The following AGBL1 variants were observed in gnomAD, a reference collection of about 807,000 sequenced individuals.
The protein encoded by AGBL1 is cytosolic carboxypeptidase 4.
A neutral mutation model predicts 118.9 loss-of-function variants in AGBL1; 130 were observed. That is an observed-to-expected ratio of 1.09 (90% CI 0.95 to 1.26). The LOEUF is 1.26. AGBL1 is among the 50% of genes most tolerant of loss of function. AGBL1 has a pLI of 0.00. For missense variants in AGBL1, 1,584 were observed against 1,298.1 expected, an observed-to-expected ratio of 1.22 and a Z score of -3.38; for synonymous variants, 555 against 478.9, an observed-to-expected ratio of 1.16 and a Z score of -2.08.
chr15:86,919,810 G>A (rs751972818), downstream of AGBL1, among the ~76,000 whole-genome samples: 3 of 152,128 alleles, frequency 2.0e-5, no homozygotes, highest in Admixed American at 2.0e-4. Context: ...TGAGAAAGAT[G>A]GTGTGGCAGG....
intron 18 of AGBL1, among the ~76,000 whole-genome samples, chr15:86,430,506 ATG>A (rs910858599): frequency 6.0e-5 from 9 of 150,914 alleles, no homozygotes; most frequent in East Asian, 5.8e-4. Flanking sequence ...AAAAAAAAAA[ATG>A]TGTGTGTGTG....
At chr15:86,205,187 T>G (rs963326088) in intron 5 of AGBL1, among the ~76,000 whole-genome samples, 6 of 152,196 alleles carry the variant, frequency 3.9e-5, no homozygotes, top group Non-Finnish European at 8.8e-5. Context: ...AAAATGTCAT[T>G]TAGTTGGAAT....
At chr15:86,406,506 G>C (rs934712763) in intron 18 of AGBL1, among the ~76,000 whole-genome samples, 6 of 152,050 alleles carry the variant, frequency 3.9e-5, no homozygotes, top group Non-Finnish European at 5.9e-5. Flanking sequence ...AAATTTAAAG[G>C]CACCTAAATT....
chr15:86,215,073 G>T (rs2078162703), intron 5 of AGBL1, among the ~76,000 whole-genome samples: 1 of 152,022 alleles, frequency 6.6e-6, no homozygotes, highest in Non-Finnish European at 1.5e-5. Context: ...TGTTTATTAT[G>T]CTTTTTCTTT....
chr15:86,682,598 C>T (rs1385327144), intron 22 of AGBL1, among the ~76,000 whole-genome samples: 1 of 151,932 alleles, frequency 6.6e-6, no homozygotes, highest in East Asian at 1.9e-4. Flanking sequence ...GAATATTACT[C>T]AAGACAATAA....
At chr15:86,614,431 C>T (rs2084696109) in intron 21 of AGBL1, among the ~76,000 whole-genome samples, 1 of 152,140 alleles carries the variant, frequency 6.6e-6, no homozygotes, top group African/African-American at 2.4e-5. Context: ...AAATTATTTT[C>T]TTATTTAGCA....
chr15:86,296,093 C>T (rs1262110580), intron 17 of AGBL1: 2 of 152,016 alleles, frequency 1.3e-5, no homozygotes, highest in Non-Finnish European at 2.9e-5. Context: ...CAGACACGTA[C>T]ACACAAACAT....
chr15:86,506,384 T>C (rs1020282479), intron 18 of AGBL1, among the ~76,000 whole-genome samples: 2 of 152,116 alleles, frequency 1.3e-5, no homozygotes, highest in East Asian at 3.9e-4. Flanking sequence ...CCAACAGTTT[T>C]CTACTATCTG....
chr15:87,025,041 T>TTGAAA (rs1366230847), intron 24 of AGBL1, among the ~76,000 whole-genome samples: 1 of 151,918 alleles, frequency 6.6e-6, no homozygotes, highest in Non-Finnish European at 1.5e-5. Context: ...TGGGGAAAAG[T>TTGAAA]TGAAAGCATT....
In AGBL1 at chr15:86,666,885, C is replaced by G. The variant is rs1301168367; in HGVS notation, c.2995-7388C>G. On this transcript the variant is annotated intron_variant, in intron 21 of 22. Transcript: ENST00000614907. ...GCAGTTAGAAGTGGAAGCACTAGGA[C>G]TGTAACCCCAGCAATATGGGTCTTG... is the stretch of plus-strand genomic sequence containing the variant. Among the ~76,000 whole-genome samples the G allele has an allele frequency of 2.6e-5, 4 of 152,280 alleles. 1 individual carries two copies. The East Asian group carries it at 7.7e-4, about 29-fold the overall frequency.
chr15:86,741,800 G>A (rs1175067369), intron 22 of AGBL1, among the ~76,000 whole-genome samples: 1 of 151,838 alleles, frequency 6.6e-6, no homozygotes, highest in East Asian at 1.9e-4. Flanking sequence ...CCTTGTTTTA[G>A]TTATTCAATC....
intron 22 of AGBL1, among the ~76,000 whole-genome samples, chr15:86,785,628 G>A (rs1335015999): frequency 3.3e-5 from 5 of 151,996 alleles, no homozygotes; most frequent in African/African-American, 7.2e-5. Context: ...TTGGCCCCCC[G>A]AAGTGCTGGG....
chr15:86,988,118 T>C (rs1233504085), intron 24 of AGBL1: 21 of 1,608,120 alleles, frequency 1.3e-5, no homozygotes, highest in Non-Finnish European at 1.6e-5. Context: ...GATTGTACAT[T>C]GCTTGGGGCG....
intron 17 of AGBL1, among the ~76,000 whole-genome samples, chr15:86,348,898 G>C (rs2080581708): frequency 6.6e-6 from 1 of 152,062 alleles, no homozygotes; most frequent in Non-Finnish European, 1.5e-5. Context: ...CTATGAATGT[G>C]ATCATGTTGA....
chr15:86,298,246 A>ATATAT lies in AGBL1; in HGVS notation c.2374+2838_2374+2839insTATAT, dbSNP rs1555462936. Reference sequence around the variant, plus strand: ...GTATACAGGGTACGTGTCTGTGTATAATATATATATATATATATATATATA... The same window carrying ATATAT: ...GTATACAGGGTACGTGTCTGTGTATATATATATATATATATATATATATATATATA... On this transcript the variant is annotated intron_variant, in intron 17 of 22. Coordinates refer to ENST00000614907, the MANE Select transcript of AGBL1 (RefSeq NM_001386094.1). 5.3e-4 allele frequency among the ~76,000 whole-genome samples: 37 copies of ATATAT among 69,806 alleles called. 1 individual carries two copies. Among genetic ancestry groups the ATATAT allele is most frequent in the African/African-American group, 2.3e-3 (36 of 15,352 alleles). The allele number at this position is 69,806 out of a possible 152,430, so 45.8% of individuals were successfully genotyped here.
intron 19 of AGBL1, among the ~76,000 whole-genome samples, chr15:86,545,641 G>C (rs2083569530): frequency 1.3e-5 from 2 of 152,084 alleles, no homozygotes; most frequent in Admixed American, 6.6e-5. Context: ...AATACTCATA[G>C]ATATCTTAAA....
rs988887186 is a variant in AGBL1 at position 86,782,383 on chromosome 15, C to G, written c.3158+107947C>G. ...GATATATATTATTCCCTTGCAAAAG[C>G]AGACAAGACAATTCAGGTGTAAACT... On this transcript the variant is annotated intron_variant, in intron 22 of 22. Transcript: ENST00000614907. Among the ~76,000 whole-genome samples the G allele has an allele frequency of 1.6e-4, 24 of 152,114 alleles. 1 individual carries two copies. Among genetic ancestry groups the G allele is most frequent in the Admixed American group, 9.8e-4 (15 of 15,270 alleles).
At chr15:86,882,281 C>T (rs1307768265) in intron 22 of AGBL1, among the ~76,000 whole-genome samples, 1 of 152,162 alleles carries the variant, frequency 6.6e-6, no homozygotes, top group Non-Finnish European at 1.5e-5. Context: ...CACGTCCCAT[C>T]GATGTCATTT....
intron 17 of AGBL1, among the ~76,000 whole-genome samples, chr15:86,357,477 C>T (rs2080739516): frequency 6.6e-6 from 1 of 152,102 alleles, no homozygotes; most frequent in East Asian, 1.9e-4. Flanking sequence ...ACCTGAACTT[C>T]TTTATTTTAT....
Sources: allele counts gnomAD v4.1 joint callset (sites outside exome capture counted in the v4.1 genomes callset), GRCh38; gene constraint gnomAD v4.1.1; transcripts MANE v1.5; gene names NCBI Gene and HGNC (gene_info 2026-07-23, HGNC 2026-07-21).